RTL9: variants seen among roughly 807,000 people sequenced by gnomAD.
RTL9 encodes retrotransposon Gag like 9.
Under a neutral mutation model 44.7 loss-of-function variants are expected in RTL9, and 19 were observed. That is an observed-to-expected ratio of 0.42 (90% CI 0.30 to 0.62). The LOEUF (loss-of-function observed/expected upper bound fraction) is 0.62, where lower values mean the gene tolerates loss of function less well. Ranked by LOEUF, RTL9 falls within the 20% of genes least tolerant of loss-of-function variation. The pLI is 0.16. For synonymous variants in RTL9, 407 were observed against 398.9 expected (o/e 1.02, Z -0.24); for missense variants, 1,105 against 1,080.6 (o/e 1.02, Z -0.32).
exon 1 of RTL9, chrX:110,452,759 G>C (rs2068952470): frequency 4.1e-6 from 5 of 1,208,780 alleles, no homozygotes; most frequent in Non-Finnish European, 5.6e-6. Context: ...GAGCCAAAGT[G>C]TCTGGAAAGA....
At chrX:110,405,264 A>G (rs2068593563) in intron 1 of RTL9, among the ~76,000 whole-genome samples, 1 of 111,613 alleles carries the variant, frequency 9.0e-6, no homozygotes, top group Non-Finnish European at 1.9e-5. Flanking sequence ...TAGAATGCCA[A>G]ATTGCAAAGG....
intron 1 of RTL9, among the ~76,000 whole-genome samples, chrX:110,408,558 C>T (rs1418670754): frequency 8.9e-6 from 1 of 112,244 alleles, no homozygotes; most frequent in Non-Finnish European, 1.9e-5. Context: ...AAGGGTTTTG[C>T]TTCCCCTGCC....
chrX:110,359,431 A>G (rs1281834396), intron 1 of RTL9, among the ~76,000 whole-genome samples: 2 of 111,166 alleles, frequency 1.8e-5, no homozygotes, highest in Non-Finnish European at 3.8e-5. Context: ...TTTTCCATAA[A>G]TTATCCCATC....
At chrX:110,451,526 C>T in exon 1 of RTL9, 1 of 1,212,004 alleles carries the variant, frequency 8.3e-7, no homozygotes, top group Non-Finnish European at 1.1e-6. Context: ...CAGATCTAGA[C>T]TCTGGAATAA....
intron 1 of RTL9, among the ~76,000 whole-genome samples, chrX:110,375,080 G>T (rs16985971): frequency 0.15 from 16,943 of 111,116 alleles, 2,279 homozygotes; most frequent in African/African-American, 0.44. Flanking sequence ...TAGCAAGTAG[G>T]CAAGCTTAGC....
chrX:110,413,202 A>C (rs1449090102), intron 1 of RTL9, among the ~76,000 whole-genome samples: 1 of 110,883 alleles, frequency 9.0e-6, no homozygotes, highest in African/African-American at 3.3e-5. Flanking sequence ...CCCACCTTGC[A>C]GTAAACAATT....
intron 1 of RTL9, among the ~76,000 whole-genome samples, chrX:110,429,668 G>T (rs5942631): frequency 0.16 from 17,780 of 108,954 alleles, 3,489 homozygotes; most frequent in African/African-American, 0.55. Flanking sequence ...TTTTAGTAGA[G>T]ATGGGGTTTC....
intron 1 of RTL9, among the ~76,000 whole-genome samples, chrX:110,409,016 G>C (rs1187778433): frequency 8.9e-6 from 1 of 111,807 alleles, no homozygotes; most frequent in East Asian, 2.8e-4. Flanking sequence ...GAACACCACT[G>C]TGCTAGCCTG....
intron 1 of RTL9, among the ~76,000 whole-genome samples, chrX:110,406,026 T>C (rs1041404204): frequency 2.7e-5 from 3 of 111,706 alleles, no homozygotes; most frequent in African/African-American, 9.8e-5. Context: ...TCTATTGCTT[T>C]GTTTAGAGAT....
chrX:110,452,830 C>G (rs2068953360), exon 1 of RTL9: 3 of 1,210,029 alleles, frequency 2.5e-6, no homozygotes, highest in Non-Finnish European at 1.1e-6. Context: ...CCCATGAAGT[C>G]CATGACCGCT....
intron 1 of RTL9, among the ~76,000 whole-genome samples, chrX:110,389,325 G>C (rs1161588976): frequency 8.9e-6 from 1 of 112,224 alleles, no homozygotes. Flanking sequence ...ACCTTCATTG[G>C]TTTACACCTG....
At chrX:110,416,023 T>C (rs1388627928), upstream of RTL9, among the ~76,000 whole-genome samples, 1 of 96,958 alleles carries the variant, frequency 1.0e-5, no homozygotes. Context: ...AAAAAAAAAA[T>C]GGGAAGCAGA....
Position 110,410,129 on chromosome X carries a change from G to A in RTL9, c.-167-35024G>A, listed in dbSNP as rs150025055. Among the ~76,000 whole-genome samples the A allele has an allele frequency of 1.3e-3, 150 of 111,665 alleles. 1 individual carries two copies. Among genetic ancestry groups the A allele is most frequent in the African/African-American group, 4.7e-3 (145 of 30,739 alleles). ...TTTATGGGTAGCCAGCTGAGTCACCGACAGGGATGATGACTCGCCTCGGGT... is the reference window on the plus strand; with the variant it reads ...TTTATGGGTAGCCAGCTGAGTCACCAACAGGGATGATGACTCGCCTCGGGT... On this transcript the variant is annotated intron_variant, in intron 1 of 2. Transcript: ENST00000520821.
chrX:110,430,830 T>A (rs768976357), intron 1 of RTL9, among the ~76,000 whole-genome samples: 41 of 112,598 alleles, frequency 3.6e-4, no homozygotes, highest in Non-Finnish European at 7.7e-4. Flanking sequence ...GTGCTTTGAA[T>A]AAATTACTTT....
At chrX:110,364,239 C>T (rs1039502289) in intron 1 of RTL9, among the ~76,000 whole-genome samples, 2 of 111,832 alleles carry the variant, frequency 1.8e-5, no homozygotes, top group Non-Finnish European at 3.8e-5. Context: ...TATAAGGACA[C>T]TTATCATTGG....
chrX:110,402,837 G>A (rs1191279795), intron 1 of RTL9, among the ~76,000 whole-genome samples: 2 of 112,135 alleles, frequency 1.8e-5, no homozygotes, highest in South Asian at 3.8e-4. Flanking sequence ...CCTGAAAGGG[G>A]GGTGTCTCCT....
At chrX:110,434,155 G>A (rs1258498519) in intron 1 of RTL9, among the ~76,000 whole-genome samples, 1 of 111,816 alleles carries the variant, frequency 8.9e-6, no homozygotes, top group Non-Finnish European at 1.9e-5. Context: ...GTGTGACAGG[G>A]CCTAGTGCAT....
At chrX:110,412,862 A>G (rs1371002302) in intron 1 of RTL9, among the ~76,000 whole-genome samples, 7 of 112,515 alleles carry the variant, frequency 6.2e-5, no homozygotes, top group Non-Finnish European at 1.1e-4. Flanking sequence ...GGATAGACAG[A>G]CTGTCAACAC....
chrX:110,456,264 A>T (rs559831061), exon 2 of RTL9: 168 of 112,974 alleles, frequency 1.5e-3, no homozygotes, highest in African/African-American at 5.1e-3. Flanking sequence ...TATACATTTC[A>T]GATTCTCTAC....
Sources: gnomAD v4.1 joint callset for allele counts (sites outside exome capture counted in the v4.1 genomes callset) on GRCh38, gnomAD v4.1.1 for gene constraint, MANE v1.5 for transcripts, NCBI Gene and HGNC (gene_info 2026-07-23, HGNC 2026-07-21) for gene names.